INPP4B: variants seen among roughly 807,000 people sequenced by gnomAD.
INPP4B encodes inositol polyphosphate 4-phosphatase type II.
In INPP4B, 55 loss-of-function variants were observed where a neutral mutation model predicts 122.5. That is an observed-to-expected ratio of 0.45 (90% confidence interval 0.36 to 0.56). The LOEUF is 0.56. Among genes scored for constraint, INPP4B ranks in the 20% least tolerant of loss-of-function variants. The probability of loss-of-function intolerance (pLI) is 0.00; values close to 1 mark genes in which losing one functional copy is unlikely to be tolerated. For synonymous variants in INPP4B, 403 were observed against 388.7 expected, an observed-to-expected ratio of 1.04 and a Z score of -0.43; for missense variants, 1,000 against 1,097.7, an observed-to-expected ratio of 0.91 and a Z score of 1.26.
At chr4:142,628,658 T>C (rs1747170419) in intron 2 of INPP4B, among the ~76,000 whole-genome samples, 1 of 151,988 alleles carries the variant, frequency 6.6e-6, no homozygotes, top group Admixed American at 6.6e-5. Flanking sequence ...AGGTTATTTA[T>C]ATTTTTCTTT....
intron 2 of INPP4B, among the ~76,000 whole-genome samples, chr4:142,649,871 C>T (rs984481710): frequency 6.6e-6 from 1 of 152,162 alleles, no homozygotes; most frequent in African/African-American, 2.4e-5. Flanking sequence ...GAGAACACCA[C>T]AAAGATACTC....
At chr4:142,189,796 C>T (rs2149318286) in intron 15 of INPP4B, among the ~76,000 whole-genome samples, 1 of 152,246 alleles carries the variant, frequency 6.6e-6, no homozygotes, top group African/African-American at 2.4e-5. Context: ...AGGGTAGACA[C>T]TGGTGGGCAA....
At chr4:142,620,682 G>C (rs1387946845) in intron 2 of INPP4B, among the ~76,000 whole-genome samples, 1 of 151,688 alleles carries the variant, frequency 6.6e-6, no homozygotes, top group Non-Finnish European at 1.5e-5. Flanking sequence ...AAAGATATGA[G>C]TATTAAAAAT....
intron 7 of INPP4B, among the ~76,000 whole-genome samples, chr4:142,323,292 A>T (rs1487414656): frequency 6.6e-6 from 1 of 152,118 alleles, no homozygotes; most frequent in East Asian, 1.9e-4. Context: ...TTTTGGTAAG[A>T]TTCCCAATTC....
intron 21 of INPP4B, among the ~76,000 whole-genome samples, chr4:142,114,472 G>A (rs1179431514): frequency 2.6e-5 from 4 of 152,108 alleles, no homozygotes; most frequent in East Asian, 3.9e-4. Flanking sequence ...CTAGTGTGAA[G>A]GAAATGGTAT....
At chr4:142,425,943 A>G (rs968112508) in intron 5 of INPP4B, among the ~76,000 whole-genome samples, 2 of 152,058 alleles carry the variant, frequency 1.3e-5, no homozygotes, top group Non-Finnish European at 2.9e-5. Flanking sequence ...ATTGTACCCC[A>G]TATCTGGTCA....
intron 10 of INPP4B, among the ~76,000 whole-genome samples, chr4:142,266,043 T>C (rs888556001): frequency 6.6e-6 from 1 of 152,184 alleles, no homozygotes; most frequent in Non-Finnish European, 1.5e-5. Context: ...ATGGGAAGTG[T>C]TTCTGCTACT....
intron 12 of INPP4B, among the ~76,000 whole-genome samples, chr4:142,232,659 A>G (rs1561555245): frequency 6.6e-6 from 1 of 152,130 alleles, no homozygotes; most frequent in South Asian, 2.1e-4. Flanking sequence ...CTCACTTTAA[A>G]TCAAAAGCTA....
At position 142,270,704 on chromosome 4, in the gene INPP4B, C is replaced by G. The variant is rs2150566778; in HGVS notation, c.574G>C (p.Gly192Arg). ...TCTGTGGTGATGTGGTCGGCTTCCCCATCCTCAATCTCCCCCATCTTCACG... is the reference window on the plus strand; with the variant it reads ...TCTGTGGTGATGTGGTCGGCTTCCCGATCCTCAATCTCCCCCATCTTCACG... ...SVVKMGEIED[G>R]EADHITTDVQ... is the part of the protein sequence containing the mutation. The change falls in exon 10 of 26, where the codon GGG (glycine) becomes CGG (arginine). Residue 192 changes from glycine to arginine, a missense_variant. Coordinates refer to ENST00000262992, the MANE Select transcript of INPP4B (RefSeq NM_001101669.3). 1 of 1,613,794 alleles carries G rather than the reference C, an allele frequency of 6.2e-7. No individual in the cohort carries two copies. Among genetic ancestry groups the G allele is most frequent in the Non-Finnish European group, 8.5e-7 (1 of 1,179,758 alleles).
At position 142,513,515 on chromosome 4, in the gene INPP4B, C is replaced by T. The variant is rs547231039; in HGVS notation, c.-190-50789G>A. ...CTCCACCTCCTGGGTTCAAGTGATTCTCCTGGCTCAGCCTCCTGAGTAGCT... is the reference window on the plus strand; with the variant it reads ...CTCCACCTCCTGGGTTCAAGTGATTTTCCTGGCTCAGCCTCCTGAGTAGCT... On this transcript the variant is annotated intron_variant, in intron 2 of 25. Transcript: ENST00000262992. 8.7e-4 allele frequency among the ~76,000 whole-genome samples: 132 copies of T among 152,204 alleles called. 1 individual carries two copies. The highest frequency in any genetic ancestry group is 1.8e-3 in the Admixed American group (28 of 15,292).
intron 2 of INPP4B, among the ~76,000 whole-genome samples, chr4:142,613,078 G>A (rs1047231694): frequency 2.0e-5 from 3 of 151,930 alleles, no homozygotes; most frequent in South Asian, 2.1e-4. Context: ...CTAGAGATCC[G>A]GCTGCTGCTT....
At chr4:142,631,838 A>C (rs1748026699) in intron 2 of INPP4B, among the ~76,000 whole-genome samples, 1 of 152,152 alleles carries the variant, frequency 6.6e-6, no homozygotes, top group Admixed American at 6.6e-5. Flanking sequence ...AATATTCTTC[A>C]AGAATGAAGG....
At chr4:142,841,920 T>C (rs1244475450) in intron 1 of INPP4B, among the ~76,000 whole-genome samples, 1 of 151,830 alleles carries the variant, frequency 6.6e-6, no homozygotes, top group East Asian at 1.9e-4. Context: ...GTTTTTTGTA[T>C]TGCTTTATTT....
intron 25 of INPP4B, among the ~76,000 whole-genome samples, chr4:142,059,855 T>C (rs1053184905): frequency 3.3e-5 from 5 of 152,162 alleles, no homozygotes; most frequent in Non-Finnish European, 7.3e-5. Context: ...TGGGTGGATC[T>C]TCTTGAAGAC....
At chr4:142,824,303 T>C (rs928625664) in intron 1 of INPP4B, among the ~76,000 whole-genome samples, 1 of 150,096 alleles carries the variant, frequency 6.7e-6, no homozygotes, top group African/African-American at 2.5e-5. Flanking sequence ...CTATTATCTA[T>C]CTGTCTATCT....
intron 7 of INPP4B, among the ~76,000 whole-genome samples, chr4:142,376,318 C>T (rs1452970929): frequency 2.0e-5 from 3 of 151,958 alleles, no homozygotes; most frequent in Non-Finnish European, 4.4e-5. Context: ...GACCTGAAAA[C>T]ATGGCTTTGT....
At chr4:142,642,201 C>A (rs1488921774) in intron 2 of INPP4B, among the ~76,000 whole-genome samples, 1 of 152,010 alleles carries the variant, frequency 6.6e-6, no homozygotes, top group Non-Finnish European at 1.5e-5. Context: ...CAAAAATTTT[C>A]TCCCATTCTG....
chr4:142,468,669 T>A (rs1416752453), intron 2 of INPP4B, among the ~76,000 whole-genome samples: 1 of 152,148 alleles, frequency 6.6e-6, no homozygotes, highest in African/African-American at 2.4e-5. Flanking sequence ...CTTCCTCTCT[T>A]GCCCTGTAAT....
chr4:142,369,633 AAAAAT>A (rs1789039878), intron 7 of INPP4B, among the ~76,000 whole-genome samples: 1 of 150,582 alleles, frequency 6.6e-6, no homozygotes, highest in Non-Finnish European at 1.5e-5. Flanking sequence ...AAAAAATAAA[AAAAAT>A]AAAAAAGGCT....
Sources: allele counts gnomAD v4.1 joint callset (sites outside exome capture counted in the v4.1 genomes callset), GRCh38; gene constraint gnomAD v4.1.1; transcripts MANE v1.5; gene names NCBI Gene and HGNC (gene_info 2026-07-23, HGNC 2026-07-21).